The following GPC5 variants were observed in gnomAD, a reference collection of about 807,000 sequenced individuals.
GPC5 encodes the protein glypican 5, also known as glypican-5.
GPC5 carries 47 observed loss-of-function variants against 53.9 expected under a neutral mutation model. The ratio of observed to expected loss-of-function variants is 0.87; its 90% CI spans 0.69 to 1.11. The LOEUF (loss-of-function observed/expected upper bound fraction) is 1.11, where lower values mean the gene tolerates loss of function less well. Ranked by LOEUF, GPC5 falls within the 50% of genes most tolerant of loss-of-function variation. The probability of loss-of-function intolerance (pLI) is 0.00; values close to 1 mark genes in which losing one functional copy is unlikely to be tolerated. For missense variants in GPC5, 748 were observed against 713.1 expected (o/e 1.05, Z -0.56); for synonymous variants, 286 against 263.3 (o/e 1.09, Z -0.84).
At chr13:91,881,644 A>G (rs1224807501) in intron 5 of GPC5, among the ~76,000 whole-genome samples, 4 of 152,188 alleles carry the variant, frequency 2.6e-5, no homozygotes, top group Middle Eastern at 3.2e-3. Flanking sequence ...AATATTAAAC[A>G]TGGTTCCAAG....
At chr13:91,888,231 T>A (rs1478914929) in intron 5 of GPC5, among the ~76,000 whole-genome samples, 1 of 152,046 alleles carries the variant, frequency 6.6e-6, no homozygotes, top group Non-Finnish European at 1.5e-5. Flanking sequence ...TCAGACCTTG[T>A]GAAACTTATT....
At chr13:92,247,068 G>T (rs1033293643) in intron 7 of GPC5, among the ~76,000 whole-genome samples, 19 of 152,124 alleles carry the variant, frequency 1.2e-4, no homozygotes, top group Non-Finnish European at 5.9e-5. Flanking sequence ...ACAGACTTGT[G>T]CAGGACATTG....
chr13:92,649,464 A>C (rs1242008741), intron 7 of GPC5, among the ~76,000 whole-genome samples: 1 of 152,152 alleles, frequency 6.6e-6, no homozygotes, highest in Non-Finnish European at 1.5e-5. Context: ...TGTGTTTTAA[A>C]ATTGGCATTG....
At chr13:92,527,594 G>A (rs920895323) in intron 7 of GPC5, among the ~76,000 whole-genome samples, 4 of 152,006 alleles carry the variant, frequency 2.6e-5, no homozygotes, top group African/African-American at 9.7e-5. Context: ...TGGGAGGGAA[G>A]AAGGAGGTGG....
chr13:91,616,374 A>G (rs2033696153), intron 2 of GPC5, among the ~76,000 whole-genome samples: 2 of 152,128 alleles, frequency 1.3e-5, no homozygotes, highest in Admixed American at 6.5e-5. Flanking sequence ...AACATAGGAA[A>G]TAAGGCCTCC....
At chr13:91,457,437 A>G (rs1881640661) in intron 2 of GPC5, among the ~76,000 whole-genome samples, 1 of 152,050 alleles carries the variant, frequency 6.6e-6, no homozygotes, top group Non-Finnish European at 1.5e-5. Context: ...CTTTATCATG[A>G]GATGTTAATT....
chr13:92,404,386 A>G (rs1490364520), intron 7 of GPC5, among the ~76,000 whole-genome samples: 1 of 152,186 alleles, frequency 6.6e-6, no homozygotes, highest in Non-Finnish European at 1.5e-5. Flanking sequence ...AAGTTGTTGA[A>G]AGACAACTGA....
chr13:92,583,171 G>A (rs1361857994), intron 7 of GPC5, among the ~76,000 whole-genome samples: 2 of 152,092 alleles, frequency 1.3e-5, no homozygotes, highest in Non-Finnish European at 2.9e-5. Context: ...CCTGTTCCTA[G>A]TTTATTGAGA....
At chr13:91,551,493 T>C (rs1009309859) in intron 2 of GPC5, among the ~76,000 whole-genome samples, 4 of 152,074 alleles carry the variant, frequency 2.6e-5, no homozygotes, top group Admixed American at 1.3e-4. Flanking sequence ...AAAGTGACAA[T>C]ATATGTGCAA....
intron 6 of GPC5, among the ~76,000 whole-genome samples, chr13:92,119,092 G>A (rs975051845): frequency 6.6e-6 from 1 of 152,146 alleles, no homozygotes; most frequent in Admixed American, 6.5e-5. Flanking sequence ...GTTCCACTTG[G>A]CTGGGGAGGC....
chr13:91,579,429 C>G (rs952183683), intron 2 of GPC5, among the ~76,000 whole-genome samples: 1 of 152,094 alleles, frequency 6.6e-6, no homozygotes, highest in Non-Finnish European at 1.5e-5. Flanking sequence ...TTCCATGTCT[C>G]TCTTCCCTCT....
At chr13:92,178,803 C>A (rs1407814396) in intron 7 of GPC5, among the ~76,000 whole-genome samples, 1 of 151,886 alleles carries the variant, frequency 6.6e-6, no homozygotes, top group Non-Finnish European at 1.5e-5. Flanking sequence ...GGTGAAACCC[C>A]GTCTCTACTA....
intron 7 of GPC5, among the ~76,000 whole-genome samples, chr13:92,650,721 G>A (rs999347668): frequency 1.3e-5 from 2 of 152,074 alleles, no homozygotes; most frequent in East Asian, 3.9e-4. Context: ...CTTAAAAAAA[G>A]ACAGCATACC....
chr13:92,244,347 T>G (rs2042635063), intron 7 of GPC5, among the ~76,000 whole-genome samples: 1 of 152,196 alleles, frequency 6.6e-6, no homozygotes, highest in African/African-American at 2.4e-5. Context: ...ACATTTGATC[T>G]GCATTAGAAA....
At chr13:92,330,620 C>A (rs1246849744) in intron 7 of GPC5, among the ~76,000 whole-genome samples, 1 of 152,104 alleles carries the variant, frequency 6.6e-6, no homozygotes, top group Non-Finnish European at 1.5e-5. Flanking sequence ...GTCATTTAAA[C>A]CTCCTCTAAA....
intron 7 of GPC5, among the ~76,000 whole-genome samples, chr13:92,380,375 T>C (rs959659051): frequency 2.6e-5 from 4 of 152,164 alleles, no homozygotes; most frequent in Non-Finnish European, 4.4e-5. Context: ...TCATGTAGAC[T>C]GGAGGAGTGT....
At chr13:91,490,202 A>G (rs1343681643) in intron 2 of GPC5, among the ~76,000 whole-genome samples, 1 of 152,176 alleles carries the variant, frequency 6.6e-6, no homozygotes, top group Admixed American at 6.6e-5. Context: ...AAGTTGCTAT[A>G]GTGGGATGAT....
At chr13:91,535,497 G>T (rs765505670) in intron 2 of GPC5, among the ~76,000 whole-genome samples, 56 of 152,186 alleles carry the variant, frequency 3.7e-4, no homozygotes, top group Non-Finnish European at 7.9e-4. Context: ...CAAGACTAAT[G>T]AAAATATTAT....
At chr13:92,159,373 T>C (rs553154769) in intron 7 of GPC5, among the ~76,000 whole-genome samples, 2 of 152,228 alleles carry the variant, frequency 1.3e-5, no homozygotes, top group South Asian at 4.2e-4. Flanking sequence ...GATAAACCCG[T>C]TGAAGGGAGG....
Sources: gnomAD v4.1 joint callset for allele counts (sites outside exome capture counted in the v4.1 genomes callset) on GRCh38, gnomAD v4.1.1 for gene constraint, MANE v1.5 for transcripts, NCBI Gene and HGNC (gene_info 2026-07-23, HGNC 2026-07-21) for gene names.